The following NAPA variants were observed in gnomAD, a reference collection of about 807,000 sequenced individuals.
NAPA encodes the protein alpha-soluble NSF attachment protein.
In NAPA, 18 loss-of-function variants were observed where a neutral mutation model predicts 48.0. That is an observed-to-expected ratio of 0.38 (90% CI 0.26 to 0.56). NAPA has a LOEUF of 0.56. NAPA is among the 20% of genes least tolerant of loss of function. NAPA has a pLI of 0.77. For synonymous variants in NAPA, 152 were observed against 149.9 expected, an observed-to-expected ratio of 1.01 and a Z score of -0.10; for missense variants, 315 against 385.0, an observed-to-expected ratio of 0.82 and a Z score of 1.52.
downstream of NAPA, among the ~76,000 whole-genome samples, chr19:47,487,036 T>G (rs573181687): frequency 7.9e-5 from 12 of 152,278 alleles, no homozygotes; most frequent in South Asian, 2.5e-3. Flanking sequence ...GTAAAGCACA[T>G]GTGTACCAGA....
At chr19:47,504,629 GA>G (rs200683362) in intron 1 of NAPA, among the ~76,000 whole-genome samples, 1,587 of 150,100 alleles carry the variant, frequency 0.011, 13 homozygotes, top group Non-Finnish European at 0.018. Context: ...ATCTTTTCGA[GA>G]AAAAAAATAT....
chr19:47,492,235 C>G, intron 7 of NAPA, 116 bp from the exon 8 acceptor site: 1 of 895,640 alleles, frequency 1.1e-6, no homozygotes, highest in Non-Finnish European at 1.7e-6. Context: ...AGGTGAGGCC[C>G]TGTTAACCCA....
intron 1 of NAPA, among the ~76,000 whole-genome samples, chr19:47,504,128 T>C (rs1011486160): frequency 6.6e-6 from 1 of 151,870 alleles, no homozygotes; most frequent in Non-Finnish European, 1.5e-5. Flanking sequence ...TGGTGGTTCA[T>C]GGCTCCTGTA....
intron 1 of NAPA, among the ~76,000 whole-genome samples, chr19:47,509,775 C>T (rs1305566554): frequency 6.6e-6 from 1 of 152,206 alleles, no homozygotes; most frequent in Non-Finnish European, 1.5e-5. Context: ...GAGCTCAGAG[C>T]CAGGATCTCA....
intron 4 of NAPA, 180 bp downstream of exon 4, chr19:47,495,370 G>A (rs1198479610): frequency 4.4e-6 from 3 of 677,040 alleles, no homozygotes; most frequent in Non-Finnish European, 7.8e-6. Context: ...GGGGAGCTGG[G>A]TGAAGACCCA....
chr19:47,495,034 G>C (rs1968384062), intron 4 of NAPA: 1 of 154,638 alleles, frequency 6.5e-6, no homozygotes, highest in South Asian at 2.0e-4. Flanking sequence ...ACAGGGTCTT[G>C]TTTTGTCGCC....
In NAPA at chr19:47,494,784, A is replaced by C. The variant is rs1405511130; in HGVS notation, c.342+766T>G. Among the ~76,000 whole-genome samples, 21 of 145,054 alleles carry C rather than the reference A, an allele frequency of 1.4e-4. No homozygotes were observed. In the Admixed American group the frequency reaches 1.4e-3, roughly 10 times the overall value. On this transcript the variant is annotated intron_variant, in intron 4 of 10. Coordinates refer to ENST00000263354, the MANE Select transcript of NAPA (RefSeq NM_003827.4). ...GAGAGAGAGAGAAAGCACTGACAGGAGCCCCGGCCTGGGTGGGACCCTTCA... is the reference window on the plus strand; with the variant it reads ...GAGAGAGAGAGAAAGCACTGACAGGCGCCCCGGCCTGGGTGGGACCCTTCA...
chr19:47,491,958 T>C, intron 8 of NAPA, 57 bp downstream of exon 8: 1 of 1,507,700 alleles, frequency 6.6e-7, no homozygotes, highest in Non-Finnish European at 9.2e-7. Context: ...GGACCTGGCC[T>C]GGAGATAAGC....
intron 2 of NAPA, among the ~76,000 whole-genome samples, chr19:47,501,911 C>T (rs768689124): frequency 1.3e-5 from 2 of 152,106 alleles, no homozygotes; most frequent in Non-Finnish European, 2.9e-5. Context: ...CGGGTTTTCA[C>T]TATATGATTT....
chr19:47,489,512 T>C (rs1247016918), intron 10 of NAPA, 199 bp downstream of exon 10: 1 of 630,716 alleles, frequency 1.6e-6, no homozygotes, highest in Admixed American at 2.9e-5. Flanking sequence ...AGTGCCACCA[T>C]CTATAAAATG....
downstream of NAPA, among the ~76,000 whole-genome samples, chr19:47,485,631 T>C (rs1210905350): frequency 6.6e-6 from 1 of 152,186 alleles, no homozygotes; most frequent in Non-Finnish European, 1.5e-5. Flanking sequence ...AAAGCAGGCA[T>C]TCAGAAAATA....
intron 9 of NAPA, among the ~76,000 whole-genome samples, chr19:47,490,363 T>G (rs1255239978): frequency 1.4e-5 from 2 of 147,998 alleles, no homozygotes; most frequent in Non-Finnish European, 3.0e-5. Context: ...TTGCTGTGTG[T>G]GGTGTGTGTG....
Position 47,513,846 on chromosome 19 carries a change from C to CTT in NAPA, c.98+995_98+996dup, listed in dbSNP as rs776314156. ...CTCAGGCTTTTTTCTTTCTTTCTTT[C>CTT]TTTTTTTTTTTTTTTTTTTTTGAGA... On this transcript the variant is annotated intron_variant, in intron 1 of 10. Transcript: ENST00000263354. 2.2e-3 allele frequency among the ~76,000 whole-genome samples: 255 copies of CTT among 115,846 alleles called. 2 individuals are homozygous for CTT. The highest frequency in any genetic ancestry group is 4.3e-3 in the Middle Eastern group (1 of 234). The allele number at this position is 115,846 out of a possible 152,430, so 76.0% of individuals were successfully genotyped here.
Position 47,493,452 on chromosome 19 carries a change from A to G in NAPA, c.384T>C (p.Ala128=), listed in dbSNP as rs770773781. 1.9e-6 allele frequency: 3 copies of G among 1,614,000 alleles called. No individual in the cohort carries two copies. Among genetic ancestry groups the G allele is most frequent in the African/African-American group, 1.3e-5 (1 of 75,020 alleles). Residue 128 remains alanine, a synonymous_variant, in exon 5 of 11, where the codon GCT becomes GCC. Transcript: ENST00000263354. The surrounding 1 kb of genome is among the most constrained non-coding windows in gnomAD (Gnocchi z 6.4). ...TIAAKHHISI[A]EIYETELVDI... ...CCACCAACTCTGTCTCATAGATCTC[A>G]GCAATGGAGATGTGGTGCTTGGCCG...
At chr19:47,503,656 C>A (rs1161139651) in intron 1 of NAPA, among the ~76,000 whole-genome samples, 154 bp from the exon 2 acceptor site, 2 of 152,210 alleles carry the variant, frequency 1.3e-5, no homozygotes, top group East Asian at 3.9e-4. Flanking sequence ...TCTGTGGCCC[C>A]CGCCCCTGCA....
intron 3 of NAPA, 32 bp downstream of exon 3, chr19:47,500,601 A>G (rs367545021): frequency 1.3e-6 from 2 of 1,559,672 alleles, no homozygotes; most frequent in African/African-American, 2.8e-5. Flanking sequence ...CGCTCCGGAC[A>G]GCCAGCCCGT....
intron 1 of NAPA, among the ~76,000 whole-genome samples, chr19:47,509,714 C>T (rs1047725274): frequency 1.3e-5 from 2 of 152,208 alleles, no homozygotes; most frequent in African/African-American, 4.8e-5. Flanking sequence ...CATGCCCCAC[C>T]CCTTACTGCA....
intron 2 of NAPA, among the ~76,000 whole-genome samples, chr19:47,503,081 C>G (rs1256050771): frequency 1.3e-5 from 2 of 152,216 alleles, no homozygotes; most frequent in Non-Finnish European, 2.9e-5. Flanking sequence ...CTCCCCCAGC[C>G]TAGAATTTAG....
Position 47,492,052 on chromosome 19 carries a change from G to A in NAPA, c.629C>T (p.Ala210Val). Reference protein sequence around the residue: ...YSAKDYFFKAALCHFCIDMLN... With the variant: ...YSAKDYFFKAVLCHFCIDMLN... ...CATGTCGATGCAGAAGTGGCAGAGGGCCGCCTTGAAGAAGTAGTCTTTGGC... is the reference window on the plus strand; with the variant it reads ...CATGTCGATGCAGAAGTGGCAGAGGACCGCCTTGAAGAAGTAGTCTTTGGC... The change falls in exon 8 of 11, where the codon GCC becomes GTC. Residue 210 changes from alanine (A) to valine (V), a missense_variant. Transcript: ENST00000263354. 2 of 1,614,126 alleles carry A rather than the reference G, an allele frequency of 1.2e-6. No individual in the cohort carries two copies. Among genetic ancestry groups the A allele is most frequent in the Non-Finnish European group, 1.7e-6 (2 of 1,179,988 alleles).
Sources: allele counts gnomAD v4.1 joint callset (sites outside exome capture counted in the v4.1 genomes callset), GRCh38; gene constraint gnomAD v4.1.1; non-coding constraint Gnocchi (gnomAD v3.1); transcripts MANE v1.5; gene names NCBI Gene and HGNC (gene_info 2026-07-23, HGNC 2026-07-21).